GABPA: variants seen among roughly 807,000 people sequenced by gnomAD.
GABPA encodes GA-binding protein alpha chain.
Under a neutral mutation model 59.4 loss-of-function variants are expected in GABPA, and 4 were observed. That is an observed-to-expected ratio of 0.07 (90% confidence interval 0.03 to 0.15). The LOEUF (loss-of-function observed/expected upper bound fraction) is 0.15. Among genes scored for constraint, GABPA ranks in the 10% least tolerant of loss-of-function variants. GABPA has a pLI of 1.00. For missense variants in GABPA, 251 were observed against 543.8 expected, an observed-to-expected ratio of 0.46 and a Z score of 5.36; for synonymous variants, 164 against 183.1, an observed-to-expected ratio of 0.90 and a Z score of 0.84.
intron 2 of GABPA, among the ~76,000 whole-genome samples, chr21:25,742,546 G>T (rs2035248031): frequency 6.6e-6 from 1 of 152,088 alleles, no homozygotes; most frequent in Non-Finnish European, 1.5e-5. Flanking sequence ...AAGAAAGAGG[G>T]AATGCATGCT....
intron 1 of GABPA, 82 bp downstream of exon 1, chr21:25,735,660 C>G (rs999220220): frequency 2.6e-5 from 4 of 152,198 alleles, no homozygotes; most frequent in Non-Finnish European, 4.4e-5. Context: ...CCACAAGGGC[C>G]CCCCCGCGGC....
chr21:25,765,829 A>G (rs776258206), intron 9 of GABPA, among the ~76,000 whole-genome samples: 52 of 150,220 alleles, frequency 3.5e-4, no homozygotes, highest in Non-Finnish European at 6.4e-4. Context: ...TGTTAGAGTT[A>G]ATAATTAAGA....
intron 4 of GABPA, among the ~76,000 whole-genome samples, chr21:25,749,635 C>G (rs2035457521): frequency 6.6e-6 from 1 of 152,196 alleles, no homozygotes; most frequent in East Asian, 1.9e-4. Context: ...AGTTTGAGAA[C>G]AGCCTGGCCA....
At chr21:25,753,441 A>G (rs2035561818) in intron 5 of GABPA, among the ~76,000 whole-genome samples, 1 of 152,200 alleles carries the variant, frequency 6.6e-6, no homozygotes, top group Non-Finnish European at 1.5e-5. Context: ...TATACACTTG[A>G]CCCTGTAAAC....
chr21:25,738,279 G>A (rs1380376353), intron 1 of GABPA, among the ~76,000 whole-genome samples: 1 of 152,112 alleles, frequency 6.6e-6, no homozygotes, highest in Non-Finnish European at 1.5e-5. Context: ...GTTTTAAATT[G>A]AACTTTTGAA....
At chr21:25,749,521 G>A (rs182514516) in intron 4 of GABPA, among the ~76,000 whole-genome samples, 75 of 152,266 alleles carry the variant, frequency 4.9e-4, no homozygotes, top group Middle Eastern at 3.4e-3. Flanking sequence ...CCTTTACAGT[G>A]ATCCACACTA....
chr21:25,772,406 T>C lies in GABPA; in HGVS notation c.*3174T>C, dbSNP rs1476253882. The C allele has an allele frequency of 1.3e-5, 2 of 152,156 alleles. No individual in the cohort carries two copies. Among genetic ancestry groups the C allele is most frequent in the Non-Finnish European group, 2.9e-5 (2 of 67,964 alleles). The allele number at this position is 152,156 out of a possible 1,614,324, so 9.4% of individuals were successfully genotyped here. On this transcript the variant is annotated 3_prime_UTR_variant, in exon 10 of 10. Coordinates refer to ENST00000400075, the MANE Select transcript of GABPA (RefSeq NM_002040.4). ...TTTCTATTTTTACGCAGATAAATAT[T>C]TGTGCATAAAATGTAAAAATAGTAA...
At chr21:25,759,300 T>C (rs2035711682) in intron 6 of GABPA, among the ~76,000 whole-genome samples, 1 of 152,154 alleles carries the variant, frequency 6.6e-6, no homozygotes, top group Admixed American at 6.6e-5. Context: ...TTGTATCAGT[T>C]ATGGATGAAA....
chr21:25,741,134 CTTTAT>C (rs1270737185), intron 1 of GABPA, among the ~76,000 whole-genome samples: 5 of 152,028 alleles, frequency 3.3e-5, no homozygotes, highest in Admixed American at 6.5e-5. Flanking sequence ...TGTGGATTTT[CTTTAT>C]TTTATTTTTC....
At chr21:25,742,516 T>C (rs2035247378) in intron 2 of GABPA, among the ~76,000 whole-genome samples, 1 of 152,156 alleles carries the variant, frequency 6.6e-6, no homozygotes, top group Non-Finnish European at 1.5e-5. Flanking sequence ...TCAACTTGTT[T>C]ATCCCAGTTT....
At chr21:25,739,426 A>G (rs190048951) in intron 1 of GABPA, among the ~76,000 whole-genome samples, 6 of 152,306 alleles carry the variant, frequency 3.9e-5, no homozygotes, top group Admixed American at 3.9e-4. Context: ...AGGTGTTGCC[A>G]GTGCTGTTTT....
intron 3 of GABPA, among the ~76,000 whole-genome samples, chr21:25,746,541 A>T (rs1325395226): frequency 6.6e-6 from 1 of 152,188 alleles, no homozygotes; most frequent in Non-Finnish European, 1.5e-5. Context: ...TTTTAACAAA[A>T]TTTGTGCATT....
intron 9 of GABPA, among the ~76,000 whole-genome samples, chr21:25,767,854 AG>A (rs2035929370): frequency 6.6e-6 from 1 of 152,146 alleles, no homozygotes; most frequent in East Asian, 1.9e-4. Flanking sequence ...TTCTGGAATT[AG>A]GGAAAGATGA....
At chr21:25,745,147 ATTGTTGCTTT>A in intron 2 of GABPA, 53 bp from the exon 3 acceptor site, 1 of 1,559,394 alleles carries the variant, frequency 6.4e-7, no homozygotes, top group Non-Finnish European at 8.8e-7. Context: ...TTTTTAGCAT[ATTGTTGCTTT>A]GAAATCCAGG....
intron 5 of GABPA, among the ~76,000 whole-genome samples, chr21:25,755,064 TAA>T (rs2035601415): frequency 1.3e-5 from 2 of 151,176 alleles, no homozygotes; most frequent in Non-Finnish European, 3.0e-5. Context: ...AGAAAAAAAA[TAA>T]GAGTAAATAA....
Position 25,735,069 on chromosome 21 carries a change from G to A in GABPA, c.-536G>A. 2 of 1,103,908 alleles carry A rather than the reference G, an allele frequency of 1.8e-6. No homozygotes were observed. Among genetic ancestry groups the A allele is most frequent in the Non-Finnish European group, 2.7e-6 (2 of 751,130 alleles). 68.4% of individuals were successfully genotyped at this position (1,103,908 alleles called of 1,614,324 possible). ...AAGCCAAACAGGAGGAGGAAGTGGAGGGTAAGTGCTTCCGGGTCCCCTGGC... is the reference window on the plus strand; with the variant it reads ...AAGCCAAACAGGAGGAGGAAGTGGAAGGTAAGTGCTTCCGGGTCCCCTGGC... On this transcript the variant is annotated 5_prime_UTR_variant, in exon 1 of 10. Coordinates refer to ENST00000400075, the MANE Select transcript of GABPA (RefSeq NM_002040.4).
intron 5 of GABPA, among the ~76,000 whole-genome samples, chr21:25,757,053 CT>C (rs1025762543): frequency 6.6e-6 from 1 of 152,030 alleles, no homozygotes; most frequent in Admixed American, 6.6e-5. Context: ...TTATAAAATT[CT>C]TATGTTTGAT....
intron 1 of GABPA, among the ~76,000 whole-genome samples, chr21:25,736,962 A>G (rs1017334410): frequency 2.0e-5 from 3 of 152,210 alleles, no homozygotes; most frequent in Admixed American, 6.5e-5. Flanking sequence ...CACTCCACTT[A>G]TAATATATTG....
At chr21:25,737,489 G>A (rs1318403088) in intron 1 of GABPA, among the ~76,000 whole-genome samples, 1 of 152,008 alleles carries the variant, frequency 6.6e-6, no homozygotes, top group Non-Finnish European at 1.5e-5. Context: ...TTCTCCAAAA[G>A]GGCATGGGTT....
Sources: allele counts gnomAD v4.1 joint callset (sites outside exome capture counted in the v4.1 genomes callset), GRCh38; gene constraint gnomAD v4.1.1; transcripts MANE v1.5; gene names NCBI Gene and HGNC (gene_info 2026-07-23, HGNC 2026-07-21).